POLK: variants seen among roughly 807,000 people sequenced by gnomAD.
POLK encodes DNA polymerase kappa, also known as polymerase (DNA directed) kappa.
A neutral mutation model predicts 94.0 loss-of-function variants in POLK; 76 were observed. The ratio of observed to expected loss-of-function variants is 0.81; its 90% CI spans 0.67 to 0.98. The LOEUF is 0.98. POLK is among the 50% of genes least tolerant of loss of function. The probability of loss-of-function intolerance (pLI) is 0.00; values close to 1 mark genes in which losing one functional copy is unlikely to be tolerated. For synonymous variants in POLK, 349 were observed against 325.4 expected (o/e 1.07, Z -0.78); for missense variants, 954 against 1,010.1 (o/e 0.94, Z 0.75).
intron 1 of POLK, among the ~76,000 whole-genome samples, chr5:75,540,257 A>T (rs1332271689): frequency 1.3e-5 from 2 of 151,370 alleles, no homozygotes; most frequent in African/African-American, 4.9e-5. Flanking sequence ...GTGTAGCCCT[A>T]TCCTATTATC....
intron 3 of POLK, among the ~76,000 whole-genome samples, chr5:75,558,345 A>G (rs1770753602): frequency 6.6e-6 from 1 of 151,796 alleles, no homozygotes; most frequent in South Asian, 2.1e-4. Flanking sequence ...TCTTTAGTCA[A>G]TTTGGAATTT....
At chr5:75,511,165 C>T, upstream of POLK, 1 of 1,611,848 alleles carries the variant, frequency 6.2e-7, no homozygotes. Flanking sequence ...GTCTCTGGAT[C>T]CTCCTCCGAG....
At chr5:75,517,962 T>C (rs1433495267) in intron 1 of POLK, among the ~76,000 whole-genome samples, 2 of 152,188 alleles carry the variant, frequency 1.3e-5, no homozygotes, top group African/African-American at 4.8e-5. Flanking sequence ...TATGTTGAAC[T>C]ATCCTTGCGT....
chr5:75,530,967 G>A (rs1025911383), intron 1 of POLK, among the ~76,000 whole-genome samples: 2 of 151,548 alleles, frequency 1.3e-5, no homozygotes, highest in African/African-American at 2.4e-5. Flanking sequence ...CACCATGCCC[G>A]GCTAATTTTT....
At chr5:75,575,697 T>A (rs984835772) in intron 5 of POLK, among the ~76,000 whole-genome samples, 2 of 152,144 alleles carry the variant, frequency 1.3e-5, no homozygotes, top group Non-Finnish European at 2.9e-5. Context: ...TTGAGCACAT[T>A]ATAACAAGAA....
chr5:75,589,888 T>C (rs1009209183), intron 10 of POLK, among the ~76,000 whole-genome samples: 3 of 152,212 alleles, frequency 2.0e-5, no homozygotes, highest in Admixed American at 1.3e-4. Context: ...ATTAAACAAC[T>C]CTGCGTAGGT....
intron 6 of POLK, among the ~76,000 whole-genome samples, chr5:75,579,659 G>A (rs962801360): frequency 6.6e-6 from 1 of 151,808 alleles, no homozygotes; most frequent in Non-Finnish European, 1.5e-5. Flanking sequence ...TGCCTGGCCT[G>A]TTTCCCCTCT....
rs1397576597 is a variant in POLK, at chr5:75,597,929, T to C, written c.2529-5T>C. On this transcript the variant is annotated splice_region_variant and splice_polypyrimidine_tract_variant and intron_variant, in intron 14 of 14. Transcript: ENST00000241436. ...ATTTTAATTGTGTGTTCCTTTTCAT[T>C]CTAGGCCAGGATTGATGACAAAGTA... 1.4e-6 allele frequency: 2 copies of C among 1,440,988 alleles called. No individual in the cohort carries two copies. Among genetic ancestry groups the C allele is most frequent in the Middle Eastern group, 1.8e-4 (1 of 5,558 alleles). The allele number at this position is 1,440,988 out of a possible 1,614,324, so 89.3% of individuals were successfully genotyped here.
At chr5:75,547,449 T>G (rs1337672448) in intron 2 of POLK, among the ~76,000 whole-genome samples, 1 of 152,070 alleles carries the variant, frequency 6.6e-6, no homozygotes, top group Non-Finnish European at 1.5e-5. Flanking sequence ...TTGGATTTTT[T>G]TTTTTCAGTT....
chr5:75,597,652 TAATC>T (rs1373781359), intron 13 of POLK, 91 bp from the exon 14 acceptor site: 4 of 641,414 alleles, frequency 6.2e-6, no homozygotes, highest in Non-Finnish European at 1.0e-5. Context: ...TAAGGAAGTT[TAATC>T]AATAAGTTTT....
chr5:75,563,521 C>G (rs1771101834), intron 3 of POLK, among the ~76,000 whole-genome samples: 1 of 152,102 alleles, frequency 6.6e-6, no homozygotes, highest in Non-Finnish European at 1.5e-5. Flanking sequence ...CCTGCTTTCT[C>G]CTATGGGCAT....
At chr5:75,512,138 T>A (rs1235891187) in intron 1 of POLK, 4 of 230,762 alleles carry the variant, frequency 1.7e-5, no homozygotes, top group Non-Finnish European at 3.4e-5. Context: ...CGGGAGCATC[T>A]GGCCGCTTCC....
chr5:75,597,699 A>T, intron 13 of POLK, 48 bp from the exon 14 acceptor site: 1 of 1,078,784 alleles, frequency 9.3e-7, no homozygotes, highest in South Asian at 1.8e-5. Flanking sequence ...CTTTTTAATT[A>T]TTTCATATTA....
intron 6 of POLK, among the ~76,000 whole-genome samples, chr5:75,579,001 A>G (rs1249609534): frequency 6.6e-6 from 1 of 152,210 alleles, no homozygotes; most frequent in Non-Finnish European, 1.5e-5. Context: ...TCACAAAGCA[A>G]ATAAGAAACT....
chr5:75,520,034 T>G (rs886671194), intron 1 of POLK, among the ~76,000 whole-genome samples: 1 of 152,342 alleles, frequency 6.6e-6, no homozygotes, highest in East Asian at 1.9e-4. Context: ...TTAGTGTATC[T>G]ATTATAGGTT....
At chr5:75,541,268 G>T (rs548049325) in intron 1 of POLK, among the ~76,000 whole-genome samples, 1 of 151,978 alleles carries the variant, frequency 6.6e-6, no homozygotes, top group Admixed American at 6.6e-5. Context: ...TCCAGCCTGG[G>T]CAACAAGACT....
chr5:75,588,710 TC>T (rs1326982093), intron 10 of POLK, among the ~76,000 whole-genome samples: 3 of 152,214 alleles, frequency 2.0e-5, no homozygotes, highest in African/African-American at 7.2e-5. Flanking sequence ...TTGGTAGAGT[TC>T]CATTTCTTCT....
chr5:75,511,470 G>A (rs1343900032), upstream of POLK: 9 of 1,513,628 alleles, frequency 5.9e-6, no homozygotes, highest in South Asian at 7.4e-5. Flanking sequence ...CGTGACCCCT[G>A]CGTTGCGCCC....
exon 15 of POLK, chr5:75,599,810 TA>T (rs1326384195): frequency 1.3e-5 from 2 of 152,196 alleles, no homozygotes; most frequent in Non-Finnish European, 2.9e-5. Flanking sequence ...TTTAAAGCTT[TA>T]ATTGATCTAA....
Sources: gnomAD v4.1 joint callset for allele counts (sites outside exome capture counted in the v4.1 genomes callset) on GRCh38, gnomAD v4.1.1 for gene constraint, MANE v1.5 for transcripts, NCBI Gene and HGNC (gene_info 2026-07-23, HGNC 2026-07-21) for gene names.